Variants in RNF19B observed in about 807,000 individuals in gnomAD.
RNF19B encodes ring finger protein 19B.
Under a neutral mutation model 65.5 loss-of-function variants are expected in RNF19B, and 23 were observed. That is an observed-to-expected ratio of 0.35 (90% CI 0.25 to 0.50). The LOEUF is 0.50. Among genes scored for constraint, RNF19B ranks in the 20% least tolerant of loss-of-function variants. RNF19B has a pLI of 0.98. For missense variants in RNF19B, 794 were observed against 980.0 expected, an observed-to-expected ratio of 0.81 and a Z score of 2.53; for synonymous variants, 372 against 379.6, an observed-to-expected ratio of 0.98 and a Z score of 0.23.
At chr1:32,955,496 A>C (rs1387682095) in intron 1 of RNF19B, among the ~76,000 whole-genome samples, 1 of 151,428 alleles carries the variant, frequency 6.6e-6, no homozygotes, top group African/African-American at 2.4e-5. Flanking sequence ...TTGGGAAGCC[A>C]AGGTGGGTGG....
intron 7 of RNF19B, 21 bp from the exon 8 acceptor site, chr1:32,938,549 C>G: frequency 2.5e-6 from 4 of 1,611,574 alleles, no homozygotes; most frequent in Non-Finnish European, 3.4e-6. Flanking sequence ...AGGGGACGTT[C>G]AAGTTAATAT....
intron 1 of RNF19B, among the ~76,000 whole-genome samples, chr1:32,956,758 A>G (rs1451474555): frequency 6.6e-6 from 1 of 152,168 alleles, no homozygotes; most frequent in Non-Finnish European, 1.5e-5. Flanking sequence ...TTCCATTAGT[A>G]TAAATTTGAT....
intron 1 of RNF19B, among the ~76,000 whole-genome samples, chr1:32,963,297 G>A (rs1439246356): frequency 2.0e-5 from 3 of 152,154 alleles, no homozygotes; most frequent in South Asian, 2.1e-4. Flanking sequence ...GGGAGAACAC[G>A]CCTTCTTCTG....
chr1:32,949,628 G>C lies in RNF19B; in HGVS notation c.782C>G (p.Thr261Ser), dbSNP rs763548417. ...AGTGTGTTTGGTCCGAACTCGTAAA[G>C]TCTGGGCCCTCTGTTGACGGGCCAT... is the stretch of plus-strand genomic sequence containing the variant. ...CDMARQQRAQ[T>S]LRVRTKHTSG... Residue 261 changes from threonine to serine, a missense_variant, in exon 2 of 9, where the codon ACT (threonine) becomes AGT (serine). Transcript: ENST00000235150. 5.6e-6 allele frequency: 9 copies of C among 1,613,888 alleles called. No homozygotes were observed. Among genetic ancestry groups the C allele is most frequent in the Non-Finnish European group, 7.6e-6 (9 of 1,180,036 alleles).
chr1:32,946,360 C>T (rs997588838), intron 4 of RNF19B, 42 bp downstream of exon 4: 1 of 1,591,908 alleles, frequency 6.3e-7, no homozygotes, highest in Non-Finnish European at 8.6e-7. Context: ...ACTAACGAAC[C>T]TAAAGTTGAA....
At chr1:32,957,922 T>C (rs949713486) in intron 1 of RNF19B, among the ~76,000 whole-genome samples, 3 of 152,246 alleles carry the variant, frequency 2.0e-5, no homozygotes, top group Non-Finnish European at 4.4e-5. Flanking sequence ...CTGAGAACTA[T>C]GCTGCTCATA....
chr1:32,949,376 A>G (rs2124148602), intron 2 of RNF19B, among the ~76,000 whole-genome samples, 193 bp downstream of exon 2: 1 of 152,268 alleles, frequency 6.6e-6, no homozygotes, highest in East Asian at 1.9e-4. Flanking sequence ...AATTTTATAT[A>G]GTTGGATAAC....
chr1:32,938,798 C>G (rs997705960), intron 7 of RNF19B, among the ~76,000 whole-genome samples: 1 of 152,160 alleles, frequency 6.6e-6, no homozygotes, highest in African/African-American at 2.4e-5. Context: ...GGCTCCCTCT[C>G]CAGTAGCCCT....
Position 32,961,355 on chromosome 1 carries a change from G to T in RNF19B, c.635+2696C>A, listed in dbSNP as rs117346463. ...AATGCGGCTATGTTGACAAGCAAAT[G>T]CTTTTTAAAACAGGGGCTGAATGGA... On this transcript the variant is annotated intron_variant, in intron 1 of 8. Transcript: ENST00000235150. Among the ~76,000 whole-genome samples, 11 of 152,272 alleles carry T rather than the reference G, an allele frequency of 7.2e-5. No homozygotes were observed. In the East Asian group the frequency reaches 2.1e-3, roughly 29 times the overall value.
chr1:32,960,415 C>T (rs1314792852), intron 1 of RNF19B, among the ~76,000 whole-genome samples: 1 of 152,098 alleles, frequency 6.6e-6, no homozygotes, highest in Non-Finnish European at 1.5e-5. Context: ...TTGGACTTCT[C>T]TTCTAGTGTT....
chr1:32,941,167 G>A (rs1642221266), intron 7 of RNF19B, among the ~76,000 whole-genome samples: 1 of 152,066 alleles, frequency 6.6e-6, no homozygotes. Flanking sequence ...AGGCTGCAGT[G>A]AGCCATGATT....
chr1:32,930,635 T>A, the RNF19B span, among the ~76,000 whole-genome samples: 1 of 152,174 alleles, frequency 6.6e-6, no homozygotes, highest in African/African-American at 2.4e-5. Flanking sequence ...TTCAAACTCC[T>A]GGCCTCAAGC....
At chr1:32,939,760 TCA>T (rs759729647) in intron 7 of RNF19B, among the ~76,000 whole-genome samples, 2 of 152,190 alleles carry the variant, frequency 1.3e-5, no homozygotes, top group African/African-American at 2.4e-5. Context: ...ATAATGGGTT[TCA>T]CAGTCAAACC....
At chr1:32,962,982 T>G (rs1642807364) in intron 1 of RNF19B, among the ~76,000 whole-genome samples, 1 of 152,238 alleles carries the variant, frequency 6.6e-6, no homozygotes. Flanking sequence ...TTGCATATTT[T>G]AATTTACTGC....
chr1:32,958,390 A>T (rs1642689834), intron 1 of RNF19B, among the ~76,000 whole-genome samples: 1 of 152,204 alleles, frequency 6.6e-6, no homozygotes, highest in Non-Finnish European at 1.5e-5. Flanking sequence ...GGAAATAGTG[A>T]TGTGAGTGAA....
intron 1 of RNF19B, among the ~76,000 whole-genome samples, chr1:32,954,828 C>T (rs559655716): frequency 1.3e-5 from 2 of 151,886 alleles, no homozygotes; most frequent in South Asian, 2.1e-4. Flanking sequence ...TAGCTAAACA[C>T]GTTCTAAAAC....
At chr1:32,955,679 G>T (rs771728114) in intron 1 of RNF19B, among the ~76,000 whole-genome samples, 1 of 151,486 alleles carries the variant, frequency 6.6e-6, no homozygotes, top group Non-Finnish European at 1.5e-5. Context: ...AGCCCGGGAG[G>T]TGGAGGCTGC....
rs1642132139 is a variant in RNF19B at position 32,937,377 on chromosome 1, G to C, written c.1743-118C>G. On this transcript the variant is annotated intron_variant, in intron 8 of 8. Coordinates refer to ENST00000235150, the MANE Select transcript of RNF19B (RefSeq NM_001300826.2). Reference sequence around the variant, plus strand: ...AAAAAGATAGGTGAACAGTTAACTAGAGCTCACTTTTAACAAAAATAACAT... The same window carrying C: ...AAAAAGATAGGTGAACAGTTAACTACAGCTCACTTTTAACAAAAATAACAT... 4 of 1,472,272 alleles carry C rather than the reference G, an allele frequency of 2.7e-6. No individual in the cohort carries two copies. In the East Asian group the frequency reaches 6.8e-5, roughly 25 times the overall value. The allele number at this position is 1,472,272 out of a possible 1,614,324, so 91.2% of individuals were successfully genotyped here. A position where few individuals can be genotyped will look rare whatever the true frequency, so the allele number is the denominator to read the frequency against.
At position 32,951,227 on chromosome 1, in the gene RNF19B, A is replaced by AT. The variant is rs201230560; in HGVS notation, c.636-1454dup. 4.9e-3 allele frequency among the ~76,000 whole-genome samples: 742 copies of AT among 152,316 alleles called. 10 individuals carry two copies. Among genetic ancestry groups the AT allele is most frequent in the African/African-American group, 0.015 (643 of 41,570 alleles). On this transcript the variant is annotated intron_variant, in intron 1 of 8. Transcript: ENST00000235150. Reference sequence around the variant, plus strand: ...AATGAAGCAAATGGCTCAGTGTTGTATTTTTTAAAAAATCCAGGTTTGTGC... The same window carrying AT: ...AATGAAGCAAATGGCTCAGTGTTGTATTTTTTTAAAAAATCCAGGTTTGTGC...
Sources: allele counts gnomAD v4.1 joint callset (sites outside exome capture counted in the v4.1 genomes callset), GRCh38; gene constraint gnomAD v4.1.1; transcripts MANE v1.5; gene names NCBI Gene and HGNC (gene_info 2026-07-23, HGNC 2026-07-21).